The following NRG1 variants were observed in gnomAD, a reference collection of about 807,000 sequenced individuals.
NRG1 encodes pro-neuregulin-1, membrane-bound isoform.
Under a neutral mutation model 63.8 loss-of-function variants are expected in NRG1, and 18 were observed. That is an observed-to-expected ratio of 0.28 (90% CI 0.19 to 0.42). The LOEUF is 0.42. NRG1 is among the 10% of genes least tolerant of loss of function. NRG1 has a pLI of 1.00. For synonymous variants in NRG1, 302 were observed against 301.3 expected, an observed-to-expected ratio of 1.00 and a Z score of -0.02; for missense variants, 762 against 814.7, an observed-to-expected ratio of 0.94 and a Z score of 0.79.
At chr8:31,742,853 G>A (rs569740340) in intron 1 of NRG1, among the ~76,000 whole-genome samples, 16 of 152,068 alleles carry the variant, frequency 1.1e-4, no homozygotes, top group African/African-American at 3.9e-4. Context: ...AGCAAGGCCT[G>A]CATTTTCCTC....
At chr8:32,018,312 T>C (rs1815891495) in intron 1 of NRG1, among the ~76,000 whole-genome samples, 1 of 152,212 alleles carries the variant, frequency 6.6e-6, no homozygotes, top group Non-Finnish European at 1.5e-5. Context: ...AACTATTCAC[T>C]TCCCAAGTGT....
intron 1 of NRG1, among the ~76,000 whole-genome samples, chr8:31,705,560 A>G (rs1463395312): frequency 6.6e-6 from 1 of 152,212 alleles, no homozygotes; most frequent in African/African-American, 2.4e-5. Flanking sequence ...GTAGATAATT[A>G]ATGTTGTGAC....
chr8:32,240,283 A>G (rs1038342918), intron 1 of NRG1, among the ~76,000 whole-genome samples: 1 of 152,244 alleles, frequency 6.6e-6, no homozygotes, highest in African/African-American at 2.4e-5. Flanking sequence ...GAATTGTGCT[A>G]ACTAAAAATA....
chr8:31,733,069 T>C (rs1057178140), intron 1 of NRG1, among the ~76,000 whole-genome samples: 3 of 152,170 alleles, frequency 2.0e-5, no homozygotes, highest in Non-Finnish European at 2.9e-5. Flanking sequence ...GCATTTATGT[T>C]TCTGTGACTG....
chr8:31,679,517 C>T (rs750294210), intron 1 of NRG1, among the ~76,000 whole-genome samples: 6 of 152,184 alleles, frequency 3.9e-5, no homozygotes, highest in Admixed American at 1.3e-4. Flanking sequence ...GTAAAAACTG[C>T]ATTCCATAAA....
At chr8:32,580,166 TAGTG>T (rs1417843366) in intron 1 of NRG1, among the ~76,000 whole-genome samples, 1 of 152,146 alleles carries the variant, frequency 6.6e-6, no homozygotes, top group Admixed American at 6.6e-5. Context: ...CCCCCACAGT[TAGTG>T]AGGAATGACC....
intron 1 of NRG1, among the ~76,000 whole-genome samples, chr8:32,059,505 G>C (rs1038943939): frequency 6.6e-6 from 1 of 152,092 alleles, no homozygotes; most frequent in South Asian, 2.1e-4. Context: ...AAAGCACACA[G>C]GAGGTAAATG....
In NRG1 at chr8:32,310,033, C is replaced by T. The variant is rs773246152; in HGVS notation, c.38-285795C>T. ...TGCAGGGCTTTTTTTCCCACAAGCG[C>T]GTGGCAGAGGTGGGCTGCCACAGGA... On this transcript the variant is annotated intron_variant, in intron 1 of 10. Coordinates refer to the NRG1 transcript ENST00000519301. 5.5e-4 allele frequency among the ~76,000 whole-genome samples: 84 copies of T among 152,178 alleles called. 1 individual carries two copies. Among genetic ancestry groups the T allele is most frequent in the Admixed American group, 1.3e-3 (20 of 15,276 alleles).
Position 32,566,178 on chromosome 8 carries a change from G to A in NRG1, c.100+17352G>A, listed in dbSNP as rs184623415. On this transcript the variant is annotated intron_variant, in intron 1 of 11. Transcript: ENST00000356819. ...TCGTGACCAGCCTGACCAACATGGC[G>A]AAACCCCATCTCTACTAAAAATACA... Among the ~76,000 whole-genome samples the A allele has an allele frequency of 3.3e-3, 508 of 152,040 alleles. 3 individuals are homozygous for A. The highest frequency in any genetic ancestry group is 0.011 in the African/African-American group (471 of 41,470).
chr8:32,521,700 A>C (rs1436566106), intron 1 of NRG1, among the ~76,000 whole-genome samples: 1 of 152,208 alleles, frequency 6.6e-6, no homozygotes, highest in African/African-American at 2.4e-5. Flanking sequence ...AACTGAGTGA[A>C]AATATTTCAG....
intron 1 of NRG1, among the ~76,000 whole-genome samples, chr8:32,312,166 T>G (rs578014811): frequency 2.0e-4 from 27 of 132,228 alleles, no homozygotes; most frequent in African/African-American, 4.8e-4. Flanking sequence ...TGTTTTTTTT[T>G]TTTTTTTTTT....
rs564902815 is a variant in NRG1 at position 32,651,941 on chromosome 8, A to G, written c.502+35056A>G. Among the ~76,000 whole-genome samples the G allele has an allele frequency of 6.6e-5, 10 of 152,320 alleles. No individual in the cohort carries two copies. In the East Asian group the frequency reaches 1.5e-3, roughly 24 times the overall value. On this transcript the variant is annotated intron_variant, in intron 5 of 11. Transcript: ENST00000356819. ...ACTGGAAGAGACTGAAAGATCTTCTATTGGAACTGAATAATTTCATAAATT... is the reference window on the plus strand; with the variant it reads ...ACTGGAAGAGACTGAAAGATCTTCTGTTGGAACTGAATAATTTCATAAATT...
chr8:32,448,604 C>T (rs1001103669), intron 1 of NRG1, among the ~76,000 whole-genome samples: 6 of 152,058 alleles, frequency 3.9e-5, no homozygotes, highest in South Asian at 2.1e-4. Flanking sequence ...CTAAGGTAAC[C>T]GCAAGATGAG....
chr8:32,202,763 A>G (rs1843621525), intron 1 of NRG1, among the ~76,000 whole-genome samples: 1 of 151,162 alleles, frequency 6.6e-6, no homozygotes, highest in African/African-American at 2.4e-5. Flanking sequence ...TGACCTTCAG[A>G]CACTTCCTCT....
intron 1 of NRG1, among the ~76,000 whole-genome samples, chr8:32,372,971 T>A (rs1809116124): frequency 6.6e-6 from 1 of 152,138 alleles, no homozygotes; most frequent in African/African-American, 2.4e-5. Context: ...GACCACTACA[T>A]CCTGAGGCTT....
chr8:32,469,989 C>T (rs1178504209), intron 1 of NRG1, among the ~76,000 whole-genome samples: 2 of 150,830 alleles, frequency 1.3e-5, no homozygotes, highest in African/African-American at 4.9e-5. Flanking sequence ...TCCCGAGTAG[C>T]TGGGATTACA....
chr8:32,729,154 A>G (rs1057107980), intron 6 of NRG1, among the ~76,000 whole-genome samples: 13 of 152,342 alleles, frequency 8.5e-5, no homozygotes, highest in African/African-American at 2.9e-4. Flanking sequence ...GTATCAGTAC[A>G]TTAAATATTT....
intron 1 of NRG1, among the ~76,000 whole-genome samples, chr8:32,186,698 G>C (rs890246358): frequency 6.6e-6 from 1 of 152,150 alleles, no homozygotes; most frequent in African/African-American, 2.4e-5. Context: ...ATTAGAATCT[G>C]TGTTTTAACA....
At chr8:31,680,668 G>T (rs899376215) in intron 1 of NRG1, among the ~76,000 whole-genome samples, 2 of 151,470 alleles carry the variant, frequency 1.3e-5, no homozygotes, top group African/African-American at 4.9e-5. Flanking sequence ...TAATGGGATG[G>T]CTGGGTCAAA....
Sources: allele counts gnomAD v4.1 joint callset (sites outside exome capture counted in the v4.1 genomes callset), GRCh38; gene constraint gnomAD v4.1.1; transcripts MANE v1.5; gene names NCBI Gene and HGNC (gene_info 2026-07-23, HGNC 2026-07-21).